The following SATB1 variants were observed in gnomAD, a reference collection of about 807,000 sequenced individuals.
SATB1 encodes SATB homeobox 1.
Under a neutral mutation model 86.9 loss-of-function variants are expected in SATB1, and 11 were observed. That is an observed-to-expected ratio of 0.13 (90% CI 0.08 to 0.21). The LOEUF (loss-of-function observed/expected upper bound fraction) is 0.21, where lower values mean the gene tolerates loss of function less well. Ranked by LOEUF, SATB1 falls within the 10% of genes least tolerant of loss-of-function variation. SATB1 has a pLI of 1.00. For missense variants in SATB1, 551 were observed against 937.6 expected (o/e 0.59, Z 5.39); for synonymous variants, 357 against 357.2 (o/e 1.00, Z 0.01).
chr3:18,445,043 G>A (rs1011276047), intron 1 of SATB1: 5 of 244,860 alleles, frequency 2.0e-5, no homozygotes, highest in African/African-American at 1.2e-4. Flanking sequence ...TCCCCCGCGG[G>A]AGCCCGCAGC....
chr3:18,425,772 G>A (rs539446140), upstream of SATB1, among the ~76,000 whole-genome samples: 2 of 151,374 alleles, frequency 1.3e-5, no homozygotes, highest in African/African-American at 4.8e-5. Flanking sequence ...AGCGGGGAGG[G>A]GAGCGCGCGG....
At position 18,394,018 on chromosome 3, in the gene SATB1, T is replaced by C. The variant is rs1696827013; in HGVS notation, c.1206+444A>G. 6.6e-6 allele frequency among the ~76,000 whole-genome samples: 1 copy of C among 152,090 alleles called. No individual in the cohort carries two copies. The highest frequency in any genetic ancestry group is 2.1e-4 in the South Asian group (1 of 4,830). ...AACAACAACAACAACAACGCTGCAGTAGAACTTTAAGAGGGAACATTTATA... is the reference window on the plus strand; with the variant it reads ...AACAACAACAACAACAACGCTGCAGCAGAACTTTAAGAGGGAACATTTATA... On this transcript the variant is annotated intron_variant, in intron 7 of 10. Coordinates refer to ENST00000338745, the MANE Select transcript of SATB1 (RefSeq NM_002971.6). The surrounding 1 kb of genome is among the most constrained non-coding windows in gnomAD (Gnocchi z 5.9).
chr3:18,385,370 C>A (rs762010136), intron 8 of SATB1, among the ~76,000 whole-genome samples: 20 of 152,052 alleles, frequency 1.3e-4, no homozygotes, highest in Non-Finnish European at 2.9e-4. Flanking sequence ...GGCCTGTAAT[C>A]CCAGCACTTT....
chr3:18,354,935 T>C (rs945579909), intron 9 of SATB1, among the ~76,000 whole-genome samples: 1 of 152,126 alleles, frequency 6.6e-6, no homozygotes, highest in Admixed American at 6.5e-5. Flanking sequence ...TAATTGCCCA[T>C]GACTAACATA....
intron 5 of SATB1, among the ~76,000 whole-genome samples, chr3:18,405,936 CTCAA>C (rs1697509341): frequency 6.6e-6 from 1 of 151,998 alleles, no homozygotes; most frequent in African/African-American, 2.4e-5. Flanking sequence ...CTGGCTTCAT[CTCAA>C]TCAATATTAT....
intron 7 of SATB1, among the ~76,000 whole-genome samples, chr3:18,392,560 T>C (rs1696733121): frequency 6.9e-6 from 1 of 145,926 alleles, no homozygotes; most frequent in South Asian, 2.1e-4. Context: ...TATATACATA[T>C]ATATACACAC....
In SATB1 at chr3:18,417,087, A is replaced by G; in HGVS notation, c.212-9T>C. On this transcript the variant is annotated splice_polypyrimidine_tract_variant and intron_variant, in intron 2 of 10. Coordinates refer to ENST00000338745, the MANE Select transcript of SATB1 (RefSeq NM_002971.6). The stretch of plus-strand genomic sequence containing the variant: ...AACTGGCAGCATGGTTCCTATCAAA[A>G]AGATGAAGAAGAAGAGATGGAAAAC... 1 of 1,609,766 alleles carries G rather than the reference A, an allele frequency of 6.2e-7. No homozygotes were observed. The highest frequency in any genetic ancestry group is 1.1e-5 in the South Asian group (1 of 90,198).
At position 18,444,151 on chromosome 3, in the gene SATB1, C is replaced by A. The variant is rs901194553; in HGVS notation, c.-25+1367G>T. On this transcript the variant is annotated intron_variant, in intron 1 of 3. Transcript: ENST00000415069. This position sits in a 1 kb window ranked among gnomAD's most constrained non-coding sequence, Gnocchi z 5.1. ...TGGGGGAACATTACCACTCCCGCAGCCCACTCCTCCAGGCACCTTACTGCC... is the reference window on the plus strand; with the variant it reads ...TGGGGGAACATTACCACTCCCGCAGACCACTCCTCCAGGCACCTTACTGCC... Among the ~76,000 whole-genome samples, 2 of 152,178 alleles carry A rather than the reference C, an allele frequency of 1.3e-5. No individual in the cohort carries two copies. The highest frequency in any genetic ancestry group is 4.8e-5 in the African/African-American group (2 of 41,428).
intron 1 of SATB1, among the ~76,000 whole-genome samples, chr3:18,437,599 A>G (rs1699108561): frequency 6.6e-6 from 1 of 152,206 alleles, no homozygotes; most frequent in African/African-American, 2.4e-5. Flanking sequence ...CAGTGATTCT[A>G]TACAAACTGT....
At chr3:18,431,962 G>A (rs1698904011) in intron 2 of SATB1, among the ~76,000 whole-genome samples, 1 of 152,124 alleles carries the variant, frequency 6.6e-6, no homozygotes, top group Admixed American at 6.5e-5. Flanking sequence ...TAGACATTAA[G>A]TGACTAACCA....
At chr3:18,373,750 C>G (rs1446745290) in intron 9 of SATB1, among the ~76,000 whole-genome samples, 5 of 152,126 alleles carry the variant, frequency 3.3e-5, no homozygotes, top group Admixed American at 2.6e-4. Flanking sequence ...ACAAAAGTGA[C>G]TGAAAAGTAG....
At position 18,420,610 on chromosome 3, in the gene SATB1, G is replaced by C. The variant is rs559423050; in HGVS notation, c.211+147C>G. The C allele has an allele frequency of 2.7e-5, 18 of 672,942 alleles. No individual in the cohort carries two copies. In the East Asian group the frequency reaches 4.3e-4, roughly 16 times the overall value. 41.7% of individuals were successfully genotyped at this position (672,942 alleles called of 1,614,324 possible). A position where few individuals can be genotyped will look rare whatever the true frequency, so the allele number is the denominator to read the frequency against. The stretch of plus-strand genomic sequence containing the variant: ...TACTTTCCAACGTGATTGATACTAA[G>C]GACCCAGAATGTAACTAATGTACGA... On this transcript the variant is annotated intron_variant, in intron 2 of 10. Coordinates refer to ENST00000338745, the MANE Select transcript of SATB1 (RefSeq NM_002971.6).
intron 9 of SATB1, among the ~76,000 whole-genome samples, chr3:18,367,941 T>C (rs1008597098): frequency 6.6e-6 from 1 of 152,208 alleles, no homozygotes; most frequent in African/African-American, 2.4e-5. Context: ...CATGCTGGCT[T>C]ATCCCTAACA....
At chr3:18,355,336 T>C (rs1351494973) in intron 9 of SATB1, among the ~76,000 whole-genome samples, 3 of 152,114 alleles carry the variant, frequency 2.0e-5, no homozygotes. Flanking sequence ...TTGGAATATT[T>C]TGACTACCTC....
At chr3:18,357,815 G>T (rs1300496817) in intron 9 of SATB1, among the ~76,000 whole-genome samples, 3 of 151,796 alleles carry the variant, frequency 2.0e-5, no homozygotes, top group Non-Finnish European at 2.9e-5. Context: ...TGCACACTGT[G>T]CCTCAAAGGT....
chr3:18,355,652 A>G (rs904823471), intron 9 of SATB1, among the ~76,000 whole-genome samples: 2 of 151,700 alleles, frequency 1.3e-5, no homozygotes, highest in Non-Finnish European at 3.0e-5. Context: ...AAAAAGACAA[A>G]AAAAACACCA....
In SATB1 at chr3:18,425,158, C is replaced by A; in HGVS notation, c.-1556G>T. 5.7e-6 allele frequency: 1 copy of A among 176,212 alleles called. No homozygotes were observed. Among genetic ancestry groups the A allele is most frequent in the South Asian group, 1.4e-4 (1 of 7,358 alleles). The allele number at this position is 176,212 out of a possible 1,614,324, so 10.9% of individuals were successfully genotyped here. A position where few individuals can be genotyped will look rare whatever the true frequency, so the allele number is the denominator to read the frequency against. On this transcript the variant is annotated 5_prime_UTR_variant, in exon 1 of 11. Transcript: ENST00000338745. Reference sequence around the variant, plus strand: ...CTGCTCCTGCTGCTGCTGCCGCCGCCGCCGCCGCTGCCGCTGTGGGTGCCT... The same window carrying A: ...CTGCTCCTGCTGCTGCTGCCGCCGCAGCCGCCGCTGCCGCTGTGGGTGCCT...
intron 9 of SATB1, 146 bp downstream of exon 9, chr3:18,378,024 T>G: frequency 1.5e-6 from 1 of 688,348 alleles, no homozygotes; most frequent in Non-Finnish European, 2.2e-6. Context: ...AATTTGAATA[T>G]TGTTTCATTT....
chr3:18,445,265 AAGCCCGAGCCGAGCCG>A, intron 1 of SATB1: 1 of 982,356 alleles, frequency 1.0e-6, no homozygotes, highest in Non-Finnish European at 1.2e-6. Flanking sequence ...AGGCGCACTG[AAGCCCGAGCCGAGCCG>A]AGCCCGAGCC....
Sources: gnomAD v4.1 joint callset for allele counts (sites outside exome capture counted in the v4.1 genomes callset) on GRCh38, gnomAD v4.1.1 for gene constraint, Gnocchi (gnomAD v3.1) non-coding constraint, MANE v1.5 for transcripts, NCBI Gene and HGNC (gene_info 2026-07-23, HGNC 2026-07-21) for gene names.